Variants in MAN1C1 observed in about 807,000 individuals in gnomAD.
The protein encoded by MAN1C1 is mannosyl-oligosaccharide 1,2-alpha-mannosidase IC.
A neutral mutation model predicts 71.5 loss-of-function variants in MAN1C1; 49 were observed. The ratio of observed to expected loss-of-function variants is 0.69; its 90% confidence interval spans 0.54 to 0.87. The LOEUF (loss-of-function observed/expected upper bound fraction) is 0.87, where lower values mean the gene tolerates loss of function less well. Ranked by LOEUF, MAN1C1 falls within the 40% of genes least tolerant of loss-of-function variation. The pLI is 0.00. For missense variants in MAN1C1, 743 were observed against 835.0 expected, an observed-to-expected ratio of 0.89 and a Z score of 1.36; for synonymous variants, 352 against 343.7, an observed-to-expected ratio of 1.02 and a Z score of -0.27.
intron 5 of MAN1C1, among the ~76,000 whole-genome samples, chr1:25,754,922 G>A (rs2047265854): frequency 2.0e-5 from 3 of 152,204 alleles, no homozygotes; most frequent in African/African-American, 7.2e-5. Flanking sequence ...CCGCCTTTTT[G>A]TTCTTGGTAA....
chr1:25,673,404 T>G (rs2046021209), intron 1 of MAN1C1, among the ~76,000 whole-genome samples: 1 of 152,248 alleles, frequency 6.6e-6, no homozygotes. Context: ...ATCCTGGCTC[T>G]GTTGCTTACT....
At chr1:25,624,416 G>GA (rs1314567233) in intron 1 of MAN1C1, among the ~76,000 whole-genome samples, 3 of 152,116 alleles carry the variant, frequency 2.0e-5, no homozygotes, top group Non-Finnish European at 2.9e-5. Flanking sequence ...CCCCTAGAAG[G>GA]CTGTTGCCTA....
At position 25,618,174 on chromosome 1, in the gene MAN1C1, G is replaced by C. The variant is rs532033999; in HGVS notation, c.377G>C (p.Gly126Ala). 8.3e-6 allele frequency: 13 copies of C among 1,566,686 alleles called. No homozygotes were observed. The African/African-American group carries it at 1.1e-4, about 13-fold the overall frequency. The change falls in exon 1 of 12, where the codon GGC (glycine) becomes GCC (alanine). Residue 126 changes from glycine to alanine, a missense_variant. Physicochemically the swap from Gly to Ala is moderately conservative, Grantham distance 60. Transcript: ENST00000374332. ...CGCGAGGAGGCCACGGCGGCCCGGG[G>C]CAATAGCATCCCGGCCTCCAGGCCC... The part of the protein sequence containing the change: ...GPREEATAAR[G>A]NSIPASRPGD...
chr1:25,691,155 A>G (rs1037277484), intron 2 of MAN1C1, among the ~76,000 whole-genome samples: 2 of 152,122 alleles, frequency 1.3e-5, no homozygotes, highest in African/African-American at 4.8e-5. Context: ...CATTTCTACT[A>G]AAAATACAAA....
At chr1:25,624,730 TAAAAG>T (rs1349261965) in intron 1 of MAN1C1, among the ~76,000 whole-genome samples, 2 of 152,176 alleles carry the variant, frequency 1.3e-5, no homozygotes, top group East Asian at 3.8e-4. Flanking sequence ...AATGGCCAAA[TAAAAG>T]GAAGTTTTTC....
chr1:25,673,002 G>A (rs530846031), intron 1 of MAN1C1, among the ~76,000 whole-genome samples: 16 of 152,196 alleles, frequency 1.1e-4, no homozygotes, highest in African/African-American at 3.9e-4. Context: ...GGGGAGAGAG[G>A]GCAGCTGGAG....
At chr1:25,665,388 C>T (rs1181109738) in intron 1 of MAN1C1, among the ~76,000 whole-genome samples, 4 of 152,110 alleles carry the variant, frequency 2.6e-5, no homozygotes, top group Admixed American at 2.6e-4. Flanking sequence ...GAAAAATGGA[C>T]TCGGTGTGAT....
At chr1:25,682,640 A>G (rs2046170405) in intron 1 of MAN1C1, among the ~76,000 whole-genome samples, 1 of 152,198 alleles carries the variant, frequency 6.6e-6, no homozygotes, top group Non-Finnish European at 1.5e-5. Flanking sequence ...CCTGTGGCCC[A>G]TAAGGGAAAA....
chr1:25,638,488 T>A (rs1001682089), intron 1 of MAN1C1, among the ~76,000 whole-genome samples: 3 of 152,186 alleles, frequency 2.0e-5, no homozygotes, highest in Non-Finnish European at 4.4e-5. Flanking sequence ...ATTCTTCATT[T>A]CTTCTTATAT....
At chr1:25,667,375 T>C (rs1321036469) in intron 1 of MAN1C1, among the ~76,000 whole-genome samples, 2 of 150,676 alleles carry the variant, frequency 1.3e-5, no homozygotes, top group Non-Finnish European at 2.9e-5. Flanking sequence ...TCCCAGCTAC[T>C]TGGGAGGCTG....
At chr1:25,623,701 G>A (rs1315136680) in intron 1 of MAN1C1, among the ~76,000 whole-genome samples, 1 of 152,136 alleles carries the variant, frequency 6.6e-6, no homozygotes, top group African/African-American at 2.4e-5. Flanking sequence ...GGTAATCCAG[G>A]TGAGCACCCA....
intron 7 of MAN1C1, among the ~76,000 whole-genome samples, chr1:25,766,759 C>T (rs565827880): frequency 1.8e-4 from 27 of 152,236 alleles, no homozygotes; most frequent in Admixed American, 3.9e-4. Context: ...CCCCTCGGTG[C>T]GGCACCTGAG....
At chr1:25,687,668 C>G (rs1220048294) in intron 2 of MAN1C1, among the ~76,000 whole-genome samples, 1 of 152,064 alleles carries the variant, frequency 6.6e-6, no homozygotes, top group Non-Finnish European at 1.5e-5. Flanking sequence ...AGGAATCTGC[C>G]CTCCTCCCCT....
intron 1 of MAN1C1, among the ~76,000 whole-genome samples, chr1:25,648,152 C>T (rs2045642062): frequency 1.3e-5 from 2 of 152,230 alleles, no homozygotes; most frequent in South Asian, 4.1e-4. Flanking sequence ...TAGGGTTTAG[C>T]AGTGCTACCA....
chr1:25,664,664 G>A (rs2045896485), intron 1 of MAN1C1, among the ~76,000 whole-genome samples: 1 of 152,196 alleles, frequency 6.6e-6, no homozygotes, highest in Non-Finnish European at 1.5e-5. Flanking sequence ...TCTTGGCCTT[G>A]GCTACAGAGT....
At chr1:25,698,105 G>A (rs1179611684) in intron 2 of MAN1C1, among the ~76,000 whole-genome samples, 2 of 152,190 alleles carry the variant, frequency 1.3e-5, no homozygotes, top group Non-Finnish European at 2.9e-5. Context: ...GCAGCAGCAG[G>A]AGCAATCAGT....
At position 25,750,051 on chromosome 1, in the gene MAN1C1, T is replaced by C. The variant is rs542651365; in HGVS notation, c.834+716T>C. Among the ~76,000 whole-genome samples the C allele has an allele frequency of 1.2e-4, 19 of 152,254 alleles. No individual in the cohort carries two copies. The South Asian group carries it at 2.5e-3, about 20-fold the overall frequency. ...TGCGGTCAGGAAACCTGGCCCTCACTCCACACCACCCTCACCTACTCATGG... is the reference window on the plus strand; with the variant it reads ...TGCGGTCAGGAAACCTGGCCCTCACCCCACACCACCCTCACCTACTCATGG... On this transcript the variant is annotated intron_variant, in intron 4 of 11. Coordinates refer to ENST00000374332, the MANE Select transcript of MAN1C1 (RefSeq NM_020379.4).
intron 1 of MAN1C1, among the ~76,000 whole-genome samples, chr1:25,637,504 A>C (rs1233307910): frequency 2.0e-5 from 3 of 152,162 alleles, no homozygotes; most frequent in African/African-American, 4.8e-5. Context: ...TTCCATGTAC[A>C]TTGAATTAAG....
At chr1:25,660,431 C>T (rs1458252934) in intron 1 of MAN1C1, among the ~76,000 whole-genome samples, 14 of 110,704 alleles carry the variant, frequency 1.3e-4, no homozygotes, top group African/African-American at 3.7e-4. Context: ...TTTTGAGTGT[C>T]GCCTAGGCTG....
Sources: gnomAD v4.1 joint callset for allele counts (sites outside exome capture counted in the v4.1 genomes callset) on GRCh38, gnomAD v4.1.1 for gene constraint, MANE v1.5 for transcripts, NCBI Gene and HGNC (gene_info 2026-07-23, HGNC 2026-07-21) for gene names.